The following ATP2B4 variants were observed in gnomAD, a reference collection of about 807,000 sequenced individuals.
The protein encoded by ATP2B4 is ATPase plasma membrane Ca2+ transporting 4.
Under a neutral mutation model 110.3 loss-of-function variants are expected in ATP2B4, and 39 were observed. The ratio of observed to expected loss-of-function variants is 0.35; its 90% CI spans 0.27 to 0.46. The LOEUF (loss-of-function observed/expected upper bound fraction) is 0.46, where lower values mean the gene tolerates loss of function less well. Ranked by LOEUF, ATP2B4 falls within the 20% of genes least tolerant of loss-of-function variation. The pLI, the probability that ATP2B4 is intolerant of heterozygous loss-of-function variation, is 1.00. For missense variants in ATP2B4, 1,135 were observed against 1,530.9 expected (o/e 0.74, Z 4.32); for synonymous variants, 538 against 571.7 (o/e 0.94, Z 0.84).
At chr1:203,699,881 C>G (rs1168338721) in intron 4 of ATP2B4, among the ~76,000 whole-genome samples, 164 bp downstream of exon 4, 1 of 152,162 alleles carries the variant, frequency 6.6e-6, no homozygotes, top group Admixed American at 6.5e-5. Flanking sequence ...GAAGCCATTT[C>G]AGAAAGGAGT....
chr1:203,694,261 A>G (rs146427964), intron 2 of ATP2B4, among the ~76,000 whole-genome samples: 39 of 152,364 alleles, frequency 2.6e-4, no homozygotes, highest in South Asian at 1.7e-3. Flanking sequence ...GAACAAAGAT[A>G]AAAATCCTGC....
chr1:203,657,311 T>C (rs1664191595), intron 1 of ATP2B4: 1 of 740,518 alleles, frequency 1.4e-6, no homozygotes, highest in South Asian at 1.5e-5. Flanking sequence ...CCCTCTTCCA[T>C]GCCTTCTTCT....
intron 13 of ATP2B4, among the ~76,000 whole-genome samples, chr1:203,712,713 A>G (rs1330327049): frequency 2.0e-5 from 3 of 150,226 alleles, no homozygotes; most frequent in Non-Finnish European, 4.4e-5. Context: ...TCAGTTTTTT[A>G]TACTGACTTC....
intron 1 of ATP2B4, among the ~76,000 whole-genome samples, chr1:203,632,585 C>T (rs557712383): frequency 1.3e-4 from 20 of 151,716 alleles, no homozygotes; most frequent in Middle Eastern, 3.4e-3. Flanking sequence ...CCTCATGATC[C>T]GCCCACCTCA....
Position 203,702,021 on chromosome 1 carries a change from T to C in ATP2B4, c.902-23T>C, listed in dbSNP as rs1571739762. The C allele has an allele frequency of 6.2e-6, 10 of 1,613,948 alleles. No individual in the cohort carries two copies. The East Asian group carries it at 2.2e-4, about 36-fold the overall frequency. On this transcript the variant is annotated intron_variant, in intron 6 of 20. Transcript: ENST00000357681. The stretch of plus-strand genomic sequence containing the variant: ...TAGTTACTTTGGGTTTCGACCCCAC[T>C]TTTTTCTTTCTTGTTCAAACAGGTA...
chr1:203,686,993 C>A (rs1161397553), intron 2 of ATP2B4, among the ~76,000 whole-genome samples: 1 of 104,892 alleles, frequency 9.5e-6, no homozygotes, highest in African/African-American at 3.2e-5. Flanking sequence ...TGGCATCTGG[C>A]CTTTTTTTTT....
chr1:203,682,051 G>A (rs113869301), intron 1 of ATP2B4, among the ~76,000 whole-genome samples: 12 of 151,932 alleles, frequency 7.9e-5, no homozygotes, highest in African/African-American at 1.2e-4. Context: ...ACTTGGTGCC[G>A]GCCAGGTTGA....
intron 1 of ATP2B4, among the ~76,000 whole-genome samples, chr1:203,646,076 C>G (rs1571675787): frequency 7.2e-6 from 1 of 138,630 alleles, no homozygotes; most frequent in Admixed American, 7.3e-5. Context: ...TACTTTTTTT[C>G]CAGAGTATAA....
rs1443833288 is a variant in ATP2B4 at position 203,729,721 on chromosome 1, C to T, written c.3309+2150C>T. ...GGACACAGGTGCTTCCTGGGGAGCCCTGAGCACTTCTCCGTGTTGCTGGCC... is the reference window on the plus strand; with the variant it reads ...GGACACAGGTGCTTCCTGGGGAGCCTTGAGCACTTCTCCGTGTTGCTGGCC... On this transcript the variant is annotated intron_variant, in intron 20 of 20. Coordinates refer to ENST00000357681, the MANE Select transcript of ATP2B4 (RefSeq NM_001684.5). 3 of 1,351,206 alleles carry T rather than the reference C, an allele frequency of 2.2e-6. No individual in the cohort carries two copies. The Admixed American group carries it at 5.8e-5, about 26-fold the overall frequency. 83.7% of individuals were successfully genotyped at this position (1,351,206 alleles called of 1,614,324 possible).
intron 2 of ATP2B4, among the ~76,000 whole-genome samples, chr1:203,688,033 T>TATG (rs1466387485): frequency 4.8e-5 from 7 of 146,784 alleles, no homozygotes; most frequent in Non-Finnish European, 1.0e-4. Flanking sequence ...TTATTATTAT[T>TATG]ATTATTTTGG....
At chr1:203,688,483 G>A (rs1301434491) in intron 2 of ATP2B4, among the ~76,000 whole-genome samples, 2 of 125,452 alleles carry the variant, frequency 1.6e-5, no homozygotes, top group Non-Finnish European at 3.5e-5. Flanking sequence ...ATTTTTTTTT[G>A]TAGAGACAGG....
chr1:203,650,418 C>T (rs1663944632), intron 1 of ATP2B4, among the ~76,000 whole-genome samples: 1 of 152,198 alleles, frequency 6.6e-6, no homozygotes, highest in African/African-American at 2.4e-5. Flanking sequence ...GCTTGGCTGG[C>T]TGGGTCGAGT....
intron 20 of ATP2B4, among the ~76,000 whole-genome samples, chr1:203,732,094 G>A (rs1342147958): frequency 1.3e-5 from 2 of 148,286 alleles, no homozygotes; most frequent in East Asian, 2.0e-4. Flanking sequence ...GGAGAATGGC[G>A]TGAACCCGGG....
intron 20 of ATP2B4, chr1:203,728,406 A>G (rs113813443): frequency 0.016 from 4,200 of 263,824 alleles, 167 homozygotes; most frequent in African/African-American, 0.089. Context: ...CCATAGCTTT[A>G]TTGTTTTAAT....
At position 203,703,765 on chromosome 1, in the gene ATP2B4, G is replaced by C; in HGVS notation, c.1051G>C (p.Val351Leu). The change falls in exon 8 of 21, where the codon GTG (valine) becomes CTG (leucine). Residue 351 changes from valine (V) to leucine (L), a missense_variant. Around this residue, in one of 9 missense-constraint regions of ATP2B4, gnomAD observed 162 missense variants for 210.5 expected, o/e 0.77. Transcript: ENST00000357681. ...CAAGGTGCCTAAAAAGGAGAAGTCA[G>C]TGCTGCAGGGCAAGCTGACTCGCCT... ...AVKVPKKEKS[V>L]LQGKLTRLAV... 3 of 1,614,188 alleles carry C rather than the reference G, an allele frequency of 1.9e-6. No homozygotes were observed. Among genetic ancestry groups the C allele is most frequent in the South Asian group, 2.2e-5 (2 of 91,080 alleles).
chr1:203,689,079 A>G (rs6660778), intron 2 of ATP2B4, among the ~76,000 whole-genome samples: 97,677 of 151,912 alleles, frequency 0.64, 32,646 homozygotes, highest in East Asian at 0.8. Context: ...AATCTTTCCA[A>G]TCCCCAAAGA....
intron 2 of ATP2B4, among the ~76,000 whole-genome samples, chr1:203,689,236 G>C (rs555428391): frequency 6.6e-5 from 10 of 152,314 alleles, no homozygotes; most frequent in African/African-American, 2.4e-4. Context: ...AGAAGGAAGA[G>C]GTATTTTCCT....
intron 1 of ATP2B4, among the ~76,000 whole-genome samples, chr1:203,675,193 G>C (rs545986582): frequency 1.3e-5 from 2 of 152,136 alleles, no homozygotes; most frequent in African/African-American, 4.8e-5. Flanking sequence ...GATCTTAGCA[G>C]ACCAGGTGAT....
At chr1:203,708,666 G>A (rs1665918418) in intron 10 of ATP2B4, among the ~76,000 whole-genome samples, 1 of 152,096 alleles carries the variant, frequency 6.6e-6, no homozygotes, top group African/African-American at 2.4e-5. Flanking sequence ...AGACCAGCCT[G>A]AGCAATATTG....
Sources: gnomAD v4.1 joint callset for allele counts (sites outside exome capture counted in the v4.1 genomes callset) on GRCh38, gnomAD v4.1.1 for gene constraint, gnomAD v4.1.1 regional missense constraint, MANE v1.5 for transcripts, NCBI Gene and HGNC (gene_info 2026-07-23, HGNC 2026-07-21) for gene names.